The following SYCP2L variants were observed in gnomAD, a reference collection of about 807,000 sequenced individuals.
The protein encoded by SYCP2L is synaptonemal complex protein 2-like.
In SYCP2L, 98 loss-of-function variants were observed where a neutral mutation model predicts 125.8. That is an observed-to-expected ratio of 0.78 (90% CI 0.66 to 0.92). The LOEUF (loss-of-function observed/expected upper bound fraction) is 0.92, where lower values mean the gene tolerates loss of function less well. SYCP2L is among the 40% of genes least tolerant of loss of function. SYCP2L has a pLI of 0.00. For synonymous variants in SYCP2L, 317 were observed against 325.4 expected (o/e 0.97, Z 0.28); for missense variants, 842 against 936.4 (o/e 0.90, Z 1.32).
At chr6:10,959,304 G>A (rs1025035776) in intron 26 of SYCP2L, among the ~76,000 whole-genome samples, 1 of 152,146 alleles carries the variant, frequency 6.6e-6, no homozygotes, top group Non-Finnish European at 1.5e-5. Context: ...GATAACAAGG[G>A]ACAAATGTTA....
chr6:10,905,492 A>T (rs1780473017), intron 8 of SYCP2L, among the ~76,000 whole-genome samples: 1 of 152,048 alleles, frequency 6.6e-6, no homozygotes. Flanking sequence ...GGGTTTCTCC[A>T]TGTTGGTCAG....
Position 10,954,623 on chromosome 6 carries a change from C to T in SYCP2L, c.1955-493C>T, listed in dbSNP as rs562117804. Among the ~76,000 whole-genome samples the T allele has an allele frequency of 6.6e-6, 1 of 152,310 alleles. No individual in the cohort carries two copies. Among genetic ancestry groups the T allele is most frequent in the Admixed American group, 6.5e-5 (1 of 15,300 alleles). On this transcript the variant is annotated intron_variant, in intron 23 of 29. Transcript: ENST00000283141. This position sits in a 1 kb window ranked among gnomAD's most constrained non-coding sequence, Gnocchi z 4.8. ...TTGAAATGGGAATCTATGTTCGAGT[C>T]TCTCAAAATCACTTGAGCTGTGAGG...
chr6:10,895,632 G>T (rs1298273430), intron 4 of SYCP2L, among the ~76,000 whole-genome samples: 3 of 151,756 alleles, frequency 2.0e-5, no homozygotes, highest in Middle Eastern at 3.5e-3. Flanking sequence ...AGAACAAAAG[G>T]GGGGGGTACT....
chr6:10,956,697 A>G (rs1383038143), intron 25 of SYCP2L, among the ~76,000 whole-genome samples: 1 of 152,196 alleles, frequency 6.6e-6, no homozygotes, highest in Non-Finnish European at 1.5e-5. Flanking sequence ...ACCTGGGCTC[A>G]AGTGATCCAC....
At chr6:10,934,679 A>C (rs1224224487) in intron 20 of SYCP2L, among the ~76,000 whole-genome samples, 1 of 152,186 alleles carries the variant, frequency 6.6e-6, no homozygotes, top group Non-Finnish European at 1.5e-5. Flanking sequence ...TTCCATCTTA[A>C]AAAAGATAAC....
intron 8 of SYCP2L, among the ~76,000 whole-genome samples, chr6:10,903,445 G>A (rs1192137728): frequency 6.6e-6 from 1 of 152,208 alleles, no homozygotes; most frequent in Non-Finnish European, 1.5e-5. Context: ...CTACTCAGGA[G>A]GCTGAGGCAG....
chr6:10,904,512 A>G (rs1415825591), intron 8 of SYCP2L, among the ~76,000 whole-genome samples: 2 of 152,152 alleles, frequency 1.3e-5, no homozygotes, highest in South Asian at 2.1e-4. Flanking sequence ...TCCTAAACAA[A>G]TTTTTATTTA....
At chr6:10,927,167 C>T (rs577583684) in intron 16 of SYCP2L, 73 bp from the exon 17 acceptor site, 2 of 1,575,694 alleles carry the variant, frequency 1.3e-6, no homozygotes, top group Non-Finnish European at 1.7e-6. Flanking sequence ...GAGGGGACAT[C>T]CCATGAAGAC....
intron 29 of SYCP2L, 134 bp downstream of exon 29, chr6:10,963,977 T>G: frequency 1.7e-6 from 1 of 580,906 alleles, no homozygotes. Flanking sequence ...TTTTTTTTTT[T>G]GATGGAGTCT....
At chr6:10,906,898 C>G (rs888461302) in intron 9 of SYCP2L, among the ~76,000 whole-genome samples, 1 of 151,344 alleles carries the variant, frequency 6.6e-6, no homozygotes. Flanking sequence ...CACGCCTGGC[C>G]AGTAGAAACA....
chr6:10,890,719 T>C (rs1218897188), intron 1 of SYCP2L, among the ~76,000 whole-genome samples: 1 of 152,238 alleles, frequency 6.6e-6, no homozygotes, highest in African/African-American at 2.4e-5. Flanking sequence ...ATTTTTGCTT[T>C]CATTGCCTGT....
rs111430224 is a variant in SYCP2L at position 10,897,887 on chromosome 6, A to C, written c.337-124A>C. 438 of 679,250 alleles carry C rather than the reference A, an allele frequency of 6.4e-4. 1 individual carries two copies. In the African/African-American group the frequency reaches 7.0e-3, roughly 11 times the overall value. 42.1% of individuals were successfully genotyped at this position (679,250 alleles called of 1,614,324 possible). A position where few individuals can be genotyped will look rare whatever the true frequency, so the allele number is the denominator to read the frequency against. ...AGGCCTCAGAGCCAGGCCTCATTGA[A>C]ATGGAATGGAATGGGAAAAGATCTT... is the stretch of plus-strand genomic sequence containing the variant. On this transcript the variant is annotated intron_variant, in intron 4 of 29. Transcript: ENST00000283141.
At chr6:10,940,555 T>C (rs1461315902) in intron 21 of SYCP2L, among the ~76,000 whole-genome samples, 1 of 152,130 alleles carries the variant, frequency 6.6e-6, no homozygotes, top group Non-Finnish European at 1.5e-5. Context: ...GAGGACATTA[T>C]AGTAAGTGAA....
In SYCP2L at chr6:10,974,300, T is replaced by C. The variant is rs553564640; in HGVS notation, c.*386T>C. The C allele has an allele frequency of 6.6e-6, 1 of 152,220 alleles. No individual in the cohort carries two copies. Among genetic ancestry groups the C allele is most frequent in the East Asian group, 1.9e-4 (1 of 5,164 alleles). The allele number at this position is 152,220 out of a possible 1,614,324, so 9.4% of individuals were successfully genotyped here. On this transcript the variant is annotated 3_prime_UTR_variant, in exon 30 of 30. Transcript: ENST00000283141. ...GTGTGAATAAAACACTTTAGCAGCA[T>C]CTGTATAAATACAATTGGATGTGTC...
intron 25 of SYCP2L, among the ~76,000 whole-genome samples, chr6:10,956,641 T>G (rs1260961654): frequency 1.3e-5 from 2 of 152,166 alleles, no homozygotes; most frequent in Non-Finnish European, 2.9e-5. Flanking sequence ...AATCTTTTTT[T>G]AAGTAGAGAT....
Position 10,935,043 on chromosome 6 carries a change from G to T in SYCP2L, c.1684-15G>T. 6.4e-7 allele frequency: 1 copy of T among 1,569,756 alleles called. No homozygotes were observed. Among genetic ancestry groups the T allele is most frequent in the Non-Finnish European group, 8.6e-7 (1 of 1,162,852 alleles). On this transcript the variant is annotated splice_polypyrimidine_tract_variant and intron_variant, in intron 20 of 29. Coordinates refer to ENST00000283141, the MANE Select transcript of SYCP2L (RefSeq NM_001040274.3). Reference sequence around the variant, plus strand: ...ATTATGAATGTTAACACTTAAAAAAGATACTATATTTTAGGCTAAGCTTCT... The same window carrying T: ...ATTATGAATGTTAACACTTAAAAAATATACTATATTTTAGGCTAAGCTTCT...
intron 21 of SYCP2L, among the ~76,000 whole-genome samples, chr6:10,941,042 G>A (rs1287562033): frequency 2.0e-5 from 3 of 152,104 alleles, no homozygotes; most frequent in African/African-American, 7.2e-5. Context: ...ACAAAAACAA[G>A]AAATGGGGAA....
At chr6:10,941,502 A>G (rs1178078702) in intron 21 of SYCP2L, among the ~76,000 whole-genome samples, 1 of 152,256 alleles carries the variant, frequency 6.6e-6, no homozygotes, top group Admixed American at 6.5e-5. Flanking sequence ...ATGAACAGAC[A>G]CTTCTCAAAA....
intron 17 of SYCP2L, among the ~76,000 whole-genome samples, chr6:10,927,725 T>C (rs1780922617): frequency 6.6e-6 from 1 of 152,162 alleles, no homozygotes; most frequent in African/African-American, 2.4e-5. Context: ...GAGACAGGGT[T>C]TGAGAGCAAC....
Sources: gnomAD v4.1 joint callset for allele counts (sites outside exome capture counted in the v4.1 genomes callset) on GRCh38, gnomAD v4.1.1 for gene constraint, Gnocchi (gnomAD v3.1) non-coding constraint, MANE v1.5 for transcripts, NCBI Gene and HGNC (gene_info 2026-07-23, HGNC 2026-07-21) for gene names.